GMPS: variants seen among roughly 807,000 people sequenced by gnomAD.
The protein encoded by GMPS is GMP synthase [glutamine-hydrolyzing].
In GMPS, 15 loss-of-function variants were observed where a neutral mutation model predicts 77.9. That is an observed-to-expected ratio of 0.19 (90% CI 0.13 to 0.30). The LOEUF (loss-of-function observed/expected upper bound fraction) is 0.30, where lower values mean the gene tolerates loss of function less well. Ranked by LOEUF, GMPS falls within the 10% of genes least tolerant of loss-of-function variation. The pLI, the probability that GMPS is intolerant of heterozygous loss-of-function variation, is 1.00. For missense variants in GMPS, 590 were observed against 838.8 expected (o/e 0.70, Z 3.66); for synonymous variants, 224 against 275.9 (o/e 0.81, Z 1.86).
chr3:155,932,816 TTCAA>T (rs1471378783), intron 13 of GMPS, among the ~76,000 whole-genome samples: 3 of 152,208 alleles, frequency 2.0e-5, no homozygotes, highest in Non-Finnish European at 4.4e-5. Context: ...AACATGCTCA[TTCAA>T]AGGCTTACTC....
chr3:155,910,862 A>G lies in GMPS; in HGVS notation c.697A>G (p.Arg233Gly). 1.9e-6 allele frequency: 3 copies of G among 1,585,180 alleles called. No homozygotes were observed. The highest frequency in any genetic ancestry group is 2.6e-6 in the Non-Finnish European group (3 of 1,170,722). ...ELECIREIKERVGTSKVLVLL... is the reference protein window; with the variant it reads ...ELECIREIKEGVGTSKVLVLL... ...TGAGTGTATTCGAGAGATCAAAGAGAGAGTAGGCACGTCAAAAGTTTTGGT... is the reference window on the plus strand; with the variant it reads ...TGAGTGTATTCGAGAGATCAAAGAGGGAGTAGGCACGTCAAAAGTTTTGGT... The change falls in exon 6 of 16, where the codon AGA becomes GGA. Residue 233 changes from arginine to glycine, a missense_variant. Coordinates refer to ENST00000496455, the MANE Select transcript of GMPS (RefSeq NM_003875.3).
chr3:155,917,019 A>G lies in GMPS; in HGVS notation c.1212+827A>G, dbSNP rs181472614. ...AGACAGAGTCTCACTCTATTGCCCAAGCTGGAGAGCAGTCATGCGACCTCG... is the reference window on the plus strand; with the variant it reads ...AGACAGAGTCTCACTCTATTGCCCAGGCTGGAGAGCAGTCATGCGACCTCG... On this transcript the variant is annotated intron_variant, in intron 9 of 15. Transcript: ENST00000496455. Among the ~76,000 whole-genome samples, 685 of 151,788 alleles carry G rather than the reference A, an allele frequency of 4.5e-3. 1 individual carries two copies. The highest frequency in any genetic ancestry group is 0.01 in the South Asian group (48 of 4,786).
intron 4 of GMPS, among the ~76,000 whole-genome samples, chr3:155,905,589 A>G (rs1437008052): frequency 6.6e-6 from 1 of 152,206 alleles, no homozygotes; most frequent in Non-Finnish European, 1.5e-5. Flanking sequence ...TCATTAGTGT[A>G]TACTTATTTC....
chr3:155,929,454 A>G (rs974193281), intron 12 of GMPS, among the ~76,000 whole-genome samples: 1 of 150,956 alleles, frequency 6.6e-6, no homozygotes, highest in Non-Finnish European at 1.5e-5. Flanking sequence ...AAACTGGCAC[A>G]AGACAGGGAT....
At chr3:155,922,120 T>C in intron 10 of GMPS, 67 bp from the exon 11 acceptor site, 1 of 658,452 alleles carries the variant, frequency 1.5e-6, no homozygotes, top group Non-Finnish European at 2.5e-6. Flanking sequence ...AGTGGCATTT[T>C]TATATTAGAT....
intron 8 of GMPS, among the ~76,000 whole-genome samples, chr3:155,915,640 TC>T (rs1387042877): frequency 6.6e-6 from 1 of 152,138 alleles, no homozygotes; most frequent in Non-Finnish European, 1.5e-5. Flanking sequence ...GACCTTGTGA[TC>T]TGCCTGCCTT....
chr3:155,909,995 A>AGCACTTTGGGAGGCT (rs1408703213), intron 5 of GMPS, among the ~76,000 whole-genome samples: 1 of 152,142 alleles, frequency 6.6e-6, no homozygotes, highest in Non-Finnish European at 1.5e-5. Flanking sequence ...CTGTAATCCC[A>AGCACTTTGGGAGGCT]GCACTTTGGG....
At chr3:155,912,606 A>C (rs1755070989) in intron 7 of GMPS, among the ~76,000 whole-genome samples, 1 of 152,156 alleles carries the variant, frequency 6.6e-6, no homozygotes, top group African/African-American at 2.4e-5. Flanking sequence ...TGTGATTTGC[A>C]ATTATTTCTG....
At chr3:155,886,360 G>GGT (rs1447044880) in intron 1 of GMPS, among the ~76,000 whole-genome samples, 1 of 150,816 alleles carries the variant, frequency 6.6e-6, no homozygotes, top group African/African-American at 2.4e-5. Context: ...TGGATCATGA[G>GGT]GTCAGGTGTT....
intron 10 of GMPS, among the ~76,000 whole-genome samples, chr3:155,920,447 T>C (rs1284869012): frequency 1.3e-5 from 2 of 151,832 alleles, no homozygotes; most frequent in African/African-American, 2.4e-5. Flanking sequence ...TGGTGGCATG[T>C]GCCTGTAATT....
At chr3:155,907,061 A>G (rs1754911439) in intron 5 of GMPS, among the ~76,000 whole-genome samples, 1 of 152,218 alleles carries the variant, frequency 6.6e-6, no homozygotes, top group African/African-American at 2.4e-5. Context: ...AAGATTTGTC[A>G]TGGACATGCT....
intron 3 of GMPS, among the ~76,000 whole-genome samples, chr3:155,902,150 T>C (rs1277180566): frequency 6.6e-6 from 1 of 152,196 alleles, no homozygotes; most frequent in Admixed American, 6.5e-5. Context: ...CATACTTTGC[T>C]AGGGCCCTTG....
intron 10 of GMPS, among the ~76,000 whole-genome samples, chr3:155,921,592 T>C (rs1266851156): frequency 2.0e-5 from 3 of 151,510 alleles, no homozygotes; most frequent in African/African-American, 7.3e-5. Flanking sequence ...GCTTCTGGAG[T>C]TCAAGACCAG....
At chr3:155,907,064 G>GACATGC (rs1754911715) in intron 5 of GMPS, among the ~76,000 whole-genome samples, 1 of 152,094 alleles carries the variant, frequency 6.6e-6, no homozygotes, top group South Asian at 2.1e-4. Context: ...ATTTGTCATG[G>GACATGC]ACATGCTGAA....
intron 11 of GMPS, among the ~76,000 whole-genome samples, chr3:155,924,473 A>C (rs1287903237): frequency 1.3e-5 from 2 of 152,250 alleles, no homozygotes; most frequent in Non-Finnish European, 1.5e-5. Context: ...GTTATTTGCC[A>C]GAAGGACAGA....
chr3:155,877,093 ATTC>A (rs1342145749), intron 1 of GMPS, among the ~76,000 whole-genome samples: 1 of 152,210 alleles, frequency 6.6e-6, no homozygotes, highest in East Asian at 1.9e-4. Context: ...AGTCTCAGTA[ATTC>A]TTCTGAATCC....
At chr3:155,890,888 T>C (rs1299605248) in intron 1 of GMPS, among the ~76,000 whole-genome samples, 2 of 152,206 alleles carry the variant, frequency 1.3e-5, no homozygotes, top group Non-Finnish European at 2.9e-5. Flanking sequence ...TTTGCTGCAT[T>C]TTCATCTTTG....
At position 155,937,806 on chromosome 3, in the gene GMPS, G is replaced by A. The variant is rs1755797064; in HGVS notation, c.*114G>A. 1.6e-6 allele frequency: 1 copy of A among 622,264 alleles called. No individual in the cohort carries two copies. The highest frequency in any genetic ancestry group is 2.7e-5 in the East Asian group (1 of 36,734). The allele number at this position is 622,264 out of a possible 1,614,324, so 38.5% of individuals were successfully genotyped here. On this transcript the variant is annotated 3_prime_UTR_variant, in exon 16 of 16. Coordinates refer to ENST00000496455, the MANE Select transcript of GMPS (RefSeq NM_003875.3). ...TTACTGGAGCAGCTACATCACATCT[G>A]AGTTCTCCACAGCAAAAATCTACGG...
Position 155,941,577 on chromosome 3 carries a change from C to T in GMPS, c.*3885C>T, listed in dbSNP as rs1476349328. 4.5e-6 allele frequency: 1 copy of T among 221,090 alleles called. No homozygotes were observed. The highest frequency in any genetic ancestry group is 9.1e-6 in the Non-Finnish European group (1 of 110,474). The allele number at this position is 221,090 out of a possible 1,614,324, so 13.7% of individuals were successfully genotyped here. On this transcript the variant is annotated 3_prime_UTR_variant, in exon 16 of 16. Transcript: ENST00000496455. The stretch of plus-strand genomic sequence containing the variant: ...TATAACCACTTTCCCACACTACTCC[C>T]CTCCAGAAATCTCATTGATATGTGG...
Sources: allele counts gnomAD v4.1 joint callset (sites outside exome capture counted in the v4.1 genomes callset), GRCh38; gene constraint gnomAD v4.1.1; transcripts MANE v1.5; gene names NCBI Gene and HGNC (gene_info 2026-07-23, HGNC 2026-07-21).